SPIN3: variants seen among roughly 807,000 people sequenced by gnomAD.
SPIN3 encodes spindlin-3.
For missense variants in SPIN3, 176 were observed against 196.4 expected, an observed-to-expected ratio of 0.90 and a Z score of 0.62; for synonymous variants, 74 against 74.3, an observed-to-expected ratio of 1.00 and a Z score of 0.02.
In SPIN3 at chrX:56,983,498, C is replaced by T. The variant is rs1039413826; in HGVS notation, c.*204+768G>A. The stretch of plus-strand genomic sequence containing the variant: ...CAATCTCACACAGGGTAACTGATAG[C>T]ATTCCAAATGTCTGAGGTTTTGGAA... On this transcript the variant is annotated intron_variant and NMD_transcript_variant, in intron 3 of 5. Coordinates refer to the SPIN3 transcript ENST00000475785. Among the ~76,000 whole-genome samples the T allele has an allele frequency of 2.7e-5, 3 of 112,545 alleles. No individual in the cohort carries two copies. The East Asian group carries it at 8.4e-4, about 31-fold the overall frequency.
At chrX:56,987,368 C>T (rs1301231576), downstream of SPIN3, among the ~76,000 whole-genome samples, 1 of 109,610 alleles carries the variant, frequency 9.1e-6, no homozygotes, top group Non-Finnish European at 1.9e-5. Flanking sequence ...CAAATCATTG[C>T]ATGGGCTGGC....
In SPIN3 at chrX:56,993,869, G is replaced by A; in HGVS notation, c.*302C>T. The A allele has an allele frequency of 4.9e-6, 1 of 202,679 alleles. No individual in the cohort carries two copies. 16.7% of individuals were successfully genotyped at this position (202,679 alleles called of 1,213,427 possible). A position where few individuals can be genotyped will look rare whatever the true frequency, so the allele number is the denominator to read the frequency against. ...AAGTGCCAAAAAGAGTGAGGTGAGA[G>A]GTGTTCAGCTACCTTTAATCTATTA... On this transcript the variant is annotated 3_prime_UTR_variant, in exon 2 of 2. Transcript: ENST00000374919.
chrX:56,990,694 T>C (rs1924311764), downstream of SPIN3: 1 of 111,539 alleles, frequency 9.0e-6, no homozygotes, highest in Admixed American at 9.5e-5. Flanking sequence ...TGAGAAAAAT[T>C]GGACTGGCAG....
In SPIN3 at chrX:56,979,436, CA is replaced by C. The variant is rs765153546; in HGVS notation, c.*205-777del. ...GTTTGCCACCATCTTAACCCAGAAA[CA>C]AAAACACAGTAAAAAGGAAAGTACA... On this transcript the variant is annotated intron_variant and NMD_transcript_variant, in intron 3 of 5. Coordinates refer to the SPIN3 transcript ENST00000475785. 3 of 111,634 alleles carry C rather than the reference CA, an allele frequency of 2.7e-5. 1 individual carries two copies. The highest frequency in any genetic ancestry group is 9.8e-5 in the African/African-American group (3 of 30,752). 9.2% of individuals were successfully genotyped at this position (111,634 alleles called of 1,213,427 possible).
At chrX:56,980,864 A>G (rs897895158) in intron 3 of SPIN3, among the ~76,000 whole-genome samples, 2 of 111,416 alleles carry the variant, frequency 1.8e-5, no homozygotes, top group Non-Finnish European at 3.8e-5. Flanking sequence ...CCAGTTAACA[A>G]TCTTCTGTAC....
chrX:56,985,414 C>T (rs752843873), intron 2 of SPIN3, among the ~76,000 whole-genome samples: 135 of 112,432 alleles, frequency 1.2e-3, no homozygotes, highest in Non-Finnish European at 2.1e-3. Flanking sequence ...CTTCCTGGGG[C>T]AGCCCATATC....
At chrX:56,985,872 C>A (rs936436829), downstream of SPIN3, among the ~76,000 whole-genome samples, 4 of 111,463 alleles carry the variant, frequency 3.6e-5, no homozygotes, top group South Asian at 3.8e-4. Flanking sequence ...CTAGTAGTTC[C>A]TTTTGCCTAG....
Position 56,993,365 on chromosome X carries a change from C to T in SPIN3, c.*806G>A, listed in dbSNP as rs934619533. On this transcript the variant is annotated 3_prime_UTR_variant, in exon 2 of 2. Coordinates refer to ENST00000374919, the MANE Select transcript of SPIN3 (RefSeq NM_001010862.3). ...TGGCAAAGACCATTTGTGCTAAAGT[C>T]TGCCTGCACAGCTTCTATCAGTTAA... 8.9e-6 allele frequency: 1 copy of T among 111,737 alleles called. No individual in the cohort carries two copies. Among genetic ancestry groups the T allele is most frequent in the African/African-American group, 3.3e-5 (1 of 30,678 alleles). The allele number at this position is 111,737 out of a possible 1,213,427, so 9.2% of individuals were successfully genotyped here.
In SPIN3 at chrX:56,991,992, C is replaced by T. The variant is rs887216755; in HGVS notation, c.*2179G>A. On this transcript the variant is annotated 3_prime_UTR_variant, in exon 2 of 2. Transcript: ENST00000374919. ...CTTAGTTTGAACTATATGACCTCAC[C>T]CCCACCCCATCAACTATTAAACTCC... 1 of 293,309 alleles carries T rather than the reference C, an allele frequency of 3.4e-6. No homozygotes were observed. The highest frequency in any genetic ancestry group is 5.9e-6 in the Non-Finnish European group (1 of 168,780). 24.2% of individuals were successfully genotyped at this position (293,309 alleles called of 1,213,427 possible).
chrX:56,980,672 G>A (rs1441312205), intron 3 of SPIN3, among the ~76,000 whole-genome samples: 3 of 109,670 alleles, frequency 2.7e-5, no homozygotes, highest in Middle Eastern at 4.2e-3. Context: ...TTTAAGATGT[G>A]ACTCCTATAG....
At chrX:56,977,495 C>T (rs895357336) in intron 5 of SPIN3, 3 of 111,843 alleles carry the variant, frequency 2.7e-5, no homozygotes, top group Admixed American at 1.9e-4. Context: ...TCTACAACTT[C>T]GTATATGTGC....
intron 3 of SPIN3, among the ~76,000 whole-genome samples, chrX:56,980,978 T>C (rs1195432685): frequency 9.1e-6 from 1 of 110,401 alleles, no homozygotes; most frequent in Non-Finnish European, 1.9e-5. Context: ...TTTTTTTTTT[T>C]TTTGGTAAGT....
chrX:56,979,604 T>G (rs1924074074), intron 3 of SPIN3: 1 of 111,978 alleles, frequency 8.9e-6, no homozygotes, highest in South Asian at 3.7e-4. Flanking sequence ...AATTGACACA[T>G]TTATCTATTT....
Position 56,993,850 on chromosome X carries a change from CA to C in SPIN3, c.*320del, listed in dbSNP as rs963384389. ...CTCAATGAGTGTAGAGTCCAAGTGCCAAAAAGAGTGAGGTGAGAGGTGTTCA... is the reference window on the plus strand; with the variant it reads ...CTCAATGAGTGTAGAGTCCAAGTGCCAAAAGAGTGAGGTGAGAGGTGTTCA... On this transcript the variant is annotated 3_prime_UTR_variant, in exon 2 of 2. Coordinates refer to ENST00000374919, the MANE Select transcript of SPIN3 (RefSeq NM_001010862.3). The C allele has an allele frequency of 1.5e-4, 24 of 164,841 alleles. No individual in the cohort carries two copies. Among genetic ancestry groups the C allele is most frequent in the Non-Finnish European group, 2.4e-4 (21 of 88,842 alleles). The allele number at this position is 164,841 out of a possible 1,213,427, so 13.6% of individuals were successfully genotyped here. A position where few individuals can be genotyped will look rare whatever the true frequency, so the allele number is the denominator to read the frequency against.
In SPIN3 at chrX:56,993,899, C is replaced by T. The variant is rs1602743227; in HGVS notation, c.*272G>A. The T allele has an allele frequency of 3.6e-6, 1 of 278,970 alleles. No homozygotes were observed. Among genetic ancestry groups the T allele is most frequent in the East Asian group, 6.3e-5 (1 of 15,891 alleles). The allele number at this position is 278,970 out of a possible 1,213,427, so 23.0% of individuals were successfully genotyped here. On this transcript the variant is annotated 3_prime_UTR_variant, in exon 2 of 2. Coordinates refer to ENST00000374919, the MANE Select transcript of SPIN3 (RefSeq NM_001010862.3). The stretch of plus-strand genomic sequence containing the variant: ...TCAGCTACCTTTAATCTATTAACAC[C>T]ACCCAAGATAAAAAAAAGTATGAGC...
At position 56,991,781 on chromosome X, in the gene SPIN3, A is replaced by C. The variant is rs1457306412; in HGVS notation, c.*2390T>G. 2.0e-5 allele frequency: 3 copies of C among 148,709 alleles called. No individual in the cohort carries two copies. The East Asian group carries it at 4.4e-4, about 22-fold the overall frequency. 12.3% of individuals were successfully genotyped at this position (148,709 alleles called of 1,213,427 possible). On this transcript the variant is annotated 3_prime_UTR_variant, in exon 2 of 2. Coordinates refer to ENST00000374919, the MANE Select transcript of SPIN3 (RefSeq NM_001010862.3). ...GCTCTGAAATAAGTCAAAATAGAAC[A>C]GTAATTAAATTAACTCTAAGGCTAC...
At chrX:56,982,637 T>G (rs1024754280) in intron 3 of SPIN3, 3 of 111,180 alleles carry the variant, frequency 2.7e-5, no homozygotes, top group African/African-American at 9.8e-5. Context: ...GGGCAATGTC[T>G]AGAATATGAA....
downstream of SPIN3, among the ~76,000 whole-genome samples, chrX:56,989,730 C>T (rs752378996): frequency 2.7e-5 from 3 of 111,429 alleles, no homozygotes; most frequent in Non-Finnish European, 5.7e-5. Context: ...ACTGTGCATG[C>T]AAGGAATCTA....
intron 3 of SPIN3, chrX:56,981,757 T>A (rs1924124608): frequency 8.9e-6 from 1 of 112,078 alleles, no homozygotes; most frequent in Non-Finnish European, 1.9e-5. Flanking sequence ...TTTTTTAAAC[T>A]TAAATATCCC....
Sources: gnomAD v4.1 joint callset for allele counts (sites outside exome capture counted in the v4.1 genomes callset) on GRCh38, gnomAD v4.1.1 for gene constraint, MANE v1.5 for transcripts, NCBI Gene and HGNC (gene_info 2026-07-23, HGNC 2026-07-21) for gene names.